Variants in THEMIS observed in about 807,000 individuals in gnomAD.
The protein encoded by THEMIS is protein THEMIS.
Under a neutral mutation model 52.6 loss-of-function variants are expected in THEMIS, and 37 were observed. The observed-to-expected ratio is 0.70, with a 90% CI of 0.54 to 0.93. The LOEUF is 0.93. Ranked by LOEUF, THEMIS falls within the 40% of genes least tolerant of loss-of-function variation. THEMIS has a pLI of 0.00. For missense variants in THEMIS, 808 were observed against 763.1 expected, an observed-to-expected ratio of 1.06 and a Z score of -0.69; for synonymous variants, 292 against 272.7, an observed-to-expected ratio of 1.07 and a Z score of -0.70.
chr6:127,764,208 C>T (rs1776116983), intron 4 of THEMIS, among the ~76,000 whole-genome samples: 1 of 151,784 alleles, frequency 6.6e-6, no homozygotes, highest in South Asian at 2.1e-4. Flanking sequence ...CTTATAAAAC[C>T]CCATGAGGTA....
intron 2 of THEMIS, among the ~76,000 whole-genome samples, chr6:127,853,322 C>A (rs1271047372): frequency 6.6e-6 from 1 of 151,648 alleles, no homozygotes; most frequent in East Asian, 1.9e-4. Flanking sequence ...AGTAATGGTT[C>A]TCAACACTGG....
At chr6:127,727,185 C>A (rs1327948115) in intron 4 of THEMIS, among the ~76,000 whole-genome samples, 4 of 152,084 alleles carry the variant, frequency 2.6e-5, no homozygotes, top group Non-Finnish European at 4.4e-5. Context: ...ATTTTGTCTT[C>A]CTGAAAATTT....
chr6:127,827,109 T>C (rs1778535528), intron 3 of THEMIS, among the ~76,000 whole-genome samples: 1 of 152,128 alleles, frequency 6.6e-6, no homozygotes, highest in Non-Finnish European at 1.5e-5. Flanking sequence ...CTAAGGTTTC[T>C]AGAAAACTTC....
chr6:127,902,339 A>AAT (rs1554248918), upstream of THEMIS, among the ~76,000 whole-genome samples: 38 of 147,230 alleles, frequency 2.6e-4, no homozygotes, highest in Non-Finnish European at 3.9e-4. Flanking sequence ...AAAAAAAAAA[A>AAT]AAAAAATAAA....
intron 4 of THEMIS, among the ~76,000 whole-genome samples, chr6:127,811,054 C>T (rs1777888833): frequency 6.6e-6 from 1 of 151,932 alleles, no homozygotes; most frequent in Non-Finnish European, 1.5e-5. Context: ...AAACAAACAA[C>T]AACAAAAAAA....
chr6:127,760,084 T>TC (rs1491533372), intron 4 of THEMIS, among the ~76,000 whole-genome samples: 3 of 68,700 alleles, frequency 4.4e-5, no homozygotes, highest in Non-Finnish European at 1.5e-4. Context: ...ATCGAATCTC[T>TC]TTTTTTTTTT....
intron 2 of THEMIS, among the ~76,000 whole-genome samples, chr6:127,831,802 T>C (rs927557483): frequency 2.0e-5 from 3 of 152,130 alleles, no homozygotes; most frequent in African/African-American, 7.2e-5. Context: ...TGTGCTTGAC[T>C]AAAATAAGGG....
intron 4 of THEMIS, among the ~76,000 whole-genome samples, chr6:127,772,257 T>G (rs1051038595): frequency 1.3e-5 from 2 of 152,028 alleles, no homozygotes; most frequent in Non-Finnish European, 2.9e-5. Flanking sequence ...AAAGTACACA[T>G]ACAAGGCACA....
intron 3 of THEMIS, among the ~76,000 whole-genome samples, chr6:127,824,952 AC>A (rs1331651603): frequency 1.5e-4 from 23 of 152,030 alleles, no homozygotes; most frequent in African/African-American, 5.3e-4. Context: ...AAACAAACAA[AC>A]AAAACTAACT....
At chr6:127,705,810 C>G (rs1016956624), downstream of THEMIS, among the ~76,000 whole-genome samples, 1 of 152,170 alleles carries the variant, frequency 6.6e-6, no homozygotes, top group Non-Finnish European at 1.5e-5. Context: ...AATTTGGAAC[C>G]TGCTGGCCTC....
chr6:127,805,070 G>T (rs1212378273), intron 4 of THEMIS, among the ~76,000 whole-genome samples: 2 of 151,998 alleles, frequency 1.3e-5, no homozygotes, highest in African/African-American at 4.8e-5. Flanking sequence ...ATTTCTTGTG[G>T]CCTTTAATGT....
At chr6:127,891,743 T>A (rs1228932054) in intron 1 of THEMIS, among the ~76,000 whole-genome samples, 1 of 152,032 alleles carries the variant, frequency 6.6e-6, no homozygotes, top group Non-Finnish European at 1.5e-5. Context: ...GTGATCTTCC[T>A]CAAATGGCAA....
chr6:127,823,452 A>G (rs894589667), intron 3 of THEMIS, among the ~76,000 whole-genome samples: 1 of 152,132 alleles, frequency 6.6e-6, no homozygotes, highest in African/African-American at 2.4e-5. Context: ...TTACCTAAAG[A>G]GGAGCTTTGT....
intron 4 of THEMIS, among the ~76,000 whole-genome samples, chr6:127,769,653 A>C (rs1208873820): frequency 6.6e-6 from 1 of 152,146 alleles, no homozygotes; most frequent in African/African-American, 2.4e-5. Context: ...TTTATACTTT[A>C]AATTCTAGGG....
At position 127,716,305 on chromosome 6, in the gene THEMIS, C is replaced by T. The variant is rs570706960; in HGVS notation, c.1894+3383G>A. On this transcript the variant is annotated intron_variant, in intron 5 of 5. Coordinates refer to ENST00000368248, the MANE Select transcript of THEMIS (RefSeq NM_001010923.3). ...CCCCCTGTTTAGCCAGGAAGATAAC[C>T]GGAAGCAATGGCAGCAATTAATGAG... 4.0e-5 allele frequency among the ~76,000 whole-genome samples: 6 copies of T among 151,770 alleles called. No individual in the cohort carries two copies. In the South Asian group the frequency reaches 8.3e-4, roughly 21 times the overall value.
chr6:127,742,329 CAAACAAAAAAACAAACAAAA>C (rs1775233966), intron 4 of THEMIS, among the ~76,000 whole-genome samples: 1 of 124,782 alleles, frequency 8.0e-6, no homozygotes. Flanking sequence ...AAAAAAAAAA[CAAACAAAAAAACAAACAAAA>C]AAACAAAAAA....
At chr6:127,743,587 G>A (rs1378411585) in intron 4 of THEMIS, among the ~76,000 whole-genome samples, 1 of 152,052 alleles carries the variant, frequency 6.6e-6, no homozygotes, top group Non-Finnish European at 1.5e-5. Flanking sequence ...TGTACAAGTG[G>A]TTTTTTAGTT....
chr6:127,727,328 GA>G (rs1774584934), intron 4 of THEMIS, among the ~76,000 whole-genome samples: 1 of 152,242 alleles, frequency 6.6e-6, no homozygotes, highest in African/African-American at 2.4e-5. Flanking sequence ...TTTAAATTAT[GA>G]AAACAGAAAT....
At chr6:127,736,983 C>T (rs1489390823) in intron 4 of THEMIS, among the ~76,000 whole-genome samples, 5 of 151,804 alleles carry the variant, frequency 3.3e-5, no homozygotes, top group African/African-American at 1.2e-4. Flanking sequence ...AAATGTTGTT[C>T]ATTTGATGCC....
Sources: gnomAD v4.1 joint callset for allele counts (sites outside exome capture counted in the v4.1 genomes callset) on GRCh38, gnomAD v4.1.1 for gene constraint, MANE v1.5 for transcripts, NCBI Gene and HGNC (gene_info 2026-07-23, HGNC 2026-07-21) for gene names.